LRRC72: variants seen among roughly 807,000 people sequenced by gnomAD.
The protein encoded by LRRC72 is leucine rich repeat containing 72.
In LRRC72, 41 loss-of-function variants were observed where a neutral mutation model predicts 35.8. The observed-to-expected ratio is 1.15, with a 90% CI of 0.89 to 1.49. LRRC72 has a LOEUF of 1.49. Ranked by LOEUF, LRRC72 falls within the 40% of genes most tolerant of loss-of-function variation. The pLI is 0.00. For missense variants in LRRC72, 389 were observed against 330.7 expected, an observed-to-expected ratio of 1.18 and a Z score of -1.37; for synonymous variants, 118 against 119.2, an observed-to-expected ratio of 0.99 and a Z score of 0.07.
chr7:16,552,027 G>C (rs1315779885), intron 3 of LRRC72, among the ~76,000 whole-genome samples: 1 of 152,192 alleles, frequency 6.6e-6, no homozygotes, highest in African/African-American at 2.4e-5. Context: ...ACACACAGTT[G>C]GTGTCTGCTG....
chr7:16,548,488 T>C (rs1021190393), intron 3 of LRRC72, among the ~76,000 whole-genome samples: 3 of 152,230 alleles, frequency 2.0e-5, no homozygotes, highest in South Asian at 2.1e-4. Flanking sequence ...CTGTGGTTCC[T>C]GGCATCTTCA....
At chr7:16,543,325 C>G (rs750887364) in intron 3 of LRRC72, among the ~76,000 whole-genome samples, 3 of 152,128 alleles carry the variant, frequency 2.0e-5, no homozygotes, top group African/African-American at 7.2e-5. Context: ...GATCTGAAAT[C>G]CTGACCAGCA....
intron 3 of LRRC72, among the ~76,000 whole-genome samples, chr7:16,556,190 G>T (rs1020205557): frequency 6.6e-6 from 1 of 152,130 alleles, no homozygotes; most frequent in Admixed American, 6.5e-5. Flanking sequence ...GGAAATTCGA[G>T]AAAGTACTTT....
At chr7:16,534,567 T>C (rs1442882946) in intron 2 of LRRC72, among the ~76,000 whole-genome samples, 1 of 152,150 alleles carries the variant, frequency 6.6e-6, no homozygotes, top group African/African-American at 2.4e-5. Context: ...CAGTTAATAC[T>C]TTAAAGTTTT....
At chr7:16,575,332 A>G (rs952319769) in intron 7 of LRRC72, among the ~76,000 whole-genome samples, 4 of 152,178 alleles carry the variant, frequency 2.6e-5, no homozygotes, top group South Asian at 4.1e-4. Flanking sequence ...TATCACTTAG[A>G]AACTTGTTAC....
chr7:16,581,282 T>A lies in LRRC72; in HGVS notation c.699-42T>A, dbSNP rs189950246. 5.5e-4 allele frequency: 778 copies of A among 1,409,068 alleles called. 6 individuals are homozygous for A. The Admixed American group carries it at 0.01, about 18-fold the overall frequency. The allele number at this position is 1,409,068 out of a possible 1,614,324, so 87.3% of individuals were successfully genotyped here. On this transcript the variant is annotated intron_variant, in intron 8 of 8. Coordinates refer to ENST00000401542, the MANE Select transcript of LRRC72 (RefSeq NM_001195280.2). The stretch of plus-strand genomic sequence containing the variant: ...ATTTCATTTTGGTCAAATTTTCATT[T>A]TTGATTGCTTTTTTTCTGACATAAT...
chr7:16,561,169 A>T (rs1298435478), intron 5 of LRRC72, among the ~76,000 whole-genome samples: 1 of 152,192 alleles, frequency 6.6e-6, no homozygotes. Flanking sequence ...ATAGGACTCA[A>T]ATTTGAACAA....
At chr7:16,564,458 A>T (rs967637350) in intron 5 of LRRC72, among the ~76,000 whole-genome samples, 2 of 152,024 alleles carry the variant, frequency 1.3e-5, no homozygotes, top group Non-Finnish European at 2.9e-5. Flanking sequence ...CCACTTTAAA[A>T]TCCTTCTCTT....
At position 16,537,765 on chromosome 7, in the gene LRRC72, G is replaced by T. The variant is rs567048171; in HGVS notation, c.234+69G>T. On this transcript the variant is annotated intron_variant, in intron 3 of 8. Coordinates refer to ENST00000401542, the MANE Select transcript of LRRC72 (RefSeq NM_001195280.2). ...ATCTTAATTTTGTATTCCTAATAGA[G>T]CTAATCTTTAAAAGTATTAAAATTT... 1.6e-4 allele frequency: 144 copies of T among 909,776 alleles called. No homozygotes were observed. In the African/African-American group the frequency reaches 2.3e-3, roughly 15 times the overall value. The allele number at this position is 909,776 out of a possible 1,614,324, so 56.4% of individuals were successfully genotyped here. A position where few individuals can be genotyped will look rare whatever the true frequency, so the allele number is the denominator to read the frequency against.
intron 2 of LRRC72, among the ~76,000 whole-genome samples, 199 bp from the exon 3 acceptor site, chr7:16,537,428 C>T (rs1456788406): frequency 6.6e-6 from 1 of 152,150 alleles, no homozygotes; most frequent in Non-Finnish European, 1.5e-5. Context: ...TCAGCTTCAA[C>T]TAGCTGACAA....
At chr7:16,539,534 G>A (rs1782319479) in intron 3 of LRRC72, among the ~76,000 whole-genome samples, 1 of 152,204 alleles carries the variant, frequency 6.6e-6, no homozygotes, top group Non-Finnish European at 1.5e-5. Flanking sequence ...TCATTTTCTG[G>A]GGAGAAATTC....
intron 2 of LRRC72, among the ~76,000 whole-genome samples, chr7:16,535,038 A>C (rs537464115): frequency 6.6e-6 from 1 of 152,258 alleles, no homozygotes; most frequent in African/African-American, 2.4e-5. Flanking sequence ...CTCTACAAAA[A>C]ATTAGCTAGG....
intron 2 of LRRC72, 51 bp from the exon 3 acceptor site, chr7:16,537,576 C>G (rs1212536335): frequency 5.3e-6 from 6 of 1,126,004 alleles, no homozygotes; most frequent in Non-Finnish European, 7.6e-6. Flanking sequence ...CCAGACTTAC[C>G]TATGTGTGAA....
chr7:16,549,928 A>G (rs930758028), intron 3 of LRRC72, among the ~76,000 whole-genome samples: 13 of 152,256 alleles, frequency 8.5e-5, no homozygotes, highest in Non-Finnish European at 1.9e-4. Context: ...TTATTAAATT[A>G]ACAGATGTTT....
rs114414336 is a variant in LRRC72 at position 16,540,063 on chromosome 7, C to T, written c.234+2367C>T. The stretch of plus-strand genomic sequence containing the variant: ...CCAGACCCCAGAATGGTAGCTTCAC[C>T]GACAACTTGCACCATGTGCCTAGAA... On this transcript the variant is annotated intron_variant, in intron 3 of 8. Coordinates refer to ENST00000401542, the MANE Select transcript of LRRC72 (RefSeq NM_001195280.2). 1.3e-3 allele frequency among the ~76,000 whole-genome samples: 205 copies of T among 152,246 alleles called. 1 individual carries two copies. Among genetic ancestry groups the T allele is most frequent in the African/African-American group, 4.7e-3 (194 of 41,554 alleles).
At chr7:16,550,566 G>A (rs1788770161) in intron 3 of LRRC72, among the ~76,000 whole-genome samples, 1 of 152,128 alleles carries the variant, frequency 6.6e-6, no homozygotes, top group South Asian at 2.1e-4. Flanking sequence ...GCAAGGGTTG[G>A]GCACATCTGC....
chr7:16,535,017 T>C (rs1454523286), intron 2 of LRRC72, among the ~76,000 whole-genome samples: 1 of 151,840 alleles, frequency 6.6e-6, no homozygotes, highest in Admixed American at 6.6e-5. Flanking sequence ...GGGCAACATA[T>C]GAAACCCTGT....
chr7:16,543,183 T>C (rs949774026), intron 3 of LRRC72, among the ~76,000 whole-genome samples: 8 of 152,186 alleles, frequency 5.3e-5, no homozygotes, highest in Admixed American at 5.2e-4. Flanking sequence ...TTCTTTAAAA[T>C]CTAGATTATA....
chr7:16,571,615 A>G (rs1782946128), intron 7 of LRRC72, among the ~76,000 whole-genome samples: 2 of 152,150 alleles, frequency 1.3e-5, no homozygotes, highest in Admixed American at 6.5e-5. Context: ...TCCCCTATCC[A>G]AGGGAAGCCA....
Sources: gnomAD v4.1 joint callset for allele counts (sites outside exome capture counted in the v4.1 genomes callset) on GRCh38, gnomAD v4.1.1 for gene constraint, MANE v1.5 for transcripts, NCBI Gene and HGNC (gene_info 2026-07-23, HGNC 2026-07-21) for gene names.